The following BIRC6 variants were observed in gnomAD, a reference collection of about 807,000 sequenced individuals.
BIRC6 encodes the protein baculoviral IAP repeat containing 6.
Under a neutral mutation model 503.3 loss-of-function variants are expected in BIRC6, and 98 were observed. The ratio of observed to expected loss-of-function variants is 0.19; its 90% CI spans 0.17 to 0.23. The LOEUF is 0.23. Ranked by LOEUF, BIRC6 falls within the 10% of genes least tolerant of loss-of-function variation. BIRC6 has a pLI of 1.00. For missense variants in BIRC6, 5,360 were observed against 5,806.0 expected (o/e 0.92, Z 2.50); for synonymous variants, 2,240 against 2,078.7 (o/e 1.08, Z -2.11).
chr2:32,457,823 A>G (rs999789513), intron 23 of BIRC6, among the ~76,000 whole-genome samples: 2 of 152,168 alleles, frequency 1.3e-5, no homozygotes, highest in South Asian at 2.1e-4. Context: ...AGTTTTATGA[A>G]TAATCAAATG....
At position 32,454,114 on chromosome 2, in the gene BIRC6, A is replaced by T. The variant is rs528404881; in HGVS notation, c.4753+172A>T. Among the ~76,000 whole-genome samples the T allele has an allele frequency of 2.4e-4, 37 of 152,280 alleles. 1 individual carries two copies. In the South Asian group the frequency reaches 3.1e-3, roughly 13 times the overall value. ...TATAAATCGTTTTATATTCTTTCCTAAGTCAATTCACAGGGTTATTTTTCC... is the reference window on the plus strand; with the variant it reads ...TATAAATCGTTTTATATTCTTTCCTTAGTCAATTCACAGGGTTATTTTTCC... On this transcript the variant is annotated intron_variant, in intron 23 of 73. Transcript: ENST00000421745.
chr2:32,406,778 A>T (rs2041269398), intron 9 of BIRC6, among the ~76,000 whole-genome samples: 1 of 152,184 alleles, frequency 6.6e-6, no homozygotes, highest in South Asian at 2.1e-4. Flanking sequence ...GAGCCAAAGG[A>T]ATTACAGTGG....
chr2:32,371,215 C>CAAAAA (rs1179033406), intron 1 of BIRC6, among the ~76,000 whole-genome samples: 1 of 28,706 alleles, frequency 3.5e-5, no homozygotes, highest in Non-Finnish European at 6.8e-5. Flanking sequence ...GACCCTGTCT[C>CAAAAA]AAAAAAAAAA....
Position 32,441,323 on chromosome 2 carries a change from G to T in BIRC6, c.3811-6G>T. The T allele has an allele frequency of 6.6e-7, 1 of 1,518,042 alleles. No homozygotes were observed. Among genetic ancestry groups the T allele is most frequent in the Non-Finnish European group, 9.0e-7 (1 of 1,111,888 alleles). The allele number at this position is 1,518,042 out of a possible 1,614,324, so 94.0% of individuals were successfully genotyped here. On this transcript the variant is annotated splice_polypyrimidine_tract_variant and splice_region_variant and intron_variant, in intron 16 of 73. Coordinates refer to ENST00000421745, the MANE Select transcript of BIRC6 (RefSeq NM_016252.4). ...TTTAAAATTCATTATTATTTGTAAT[G>T]TTTAGGAAAAATCATCTAATGTTAA...
intron 10 of BIRC6, among the ~76,000 whole-genome samples, chr2:32,424,908 A>G (rs887109979): frequency 6.6e-5 from 10 of 152,112 alleles, no homozygotes; most frequent in African/African-American, 2.4e-4. Context: ...CAGTTTTTCT[A>G]CATCCTGGCC....
Position 32,595,075 on chromosome 2 carries a change from C to A in BIRC6, c.13543C>A (p.Pro4515Thr). 1.2e-6 allele frequency: 2 copies of A among 1,601,660 alleles called. No individual in the cohort carries two copies. Among genetic ancestry groups the A allele is most frequent in the Non-Finnish European group, 1.7e-6 (2 of 1,176,620 alleles). Residue 4515 changes from proline to threonine, a missense_variant, in exon 68 of 74, where the codon CCC becomes ACC. Transcript: ENST00000421745. ...ATACTCCAAGAAGGCGGCTATGAAA[C>A]CCAAACCTTTGTCAGTATTAAAGTC... ...GEYSKKAAMK[P>T]KPLSVLKSLE...
chr2:32,480,353 A>C (rs1351364270), intron 37 of BIRC6, among the ~76,000 whole-genome samples: 2 of 152,144 alleles, frequency 1.3e-5, no homozygotes, highest in African/African-American at 4.8e-5. Flanking sequence ...AGTCAGTTTT[A>C]ATTATAGTGC....
Position 32,535,161 on chromosome 2 carries a change from A to C in BIRC6, c.12291+3610A>C, listed in dbSNP as rs547186649. On this transcript the variant is annotated intron_variant, in intron 61 of 73. Coordinates refer to ENST00000421745, the MANE Select transcript of BIRC6 (RefSeq NM_016252.4). ...TACCCCCAAAAAAGCAAAAAAAAAA[A>C]AAAAAAAAAAAAAAAGCTAAGACAA... 2.6e-4 allele frequency among the ~76,000 whole-genome samples: 38 copies of C among 148,846 alleles called. 1 individual carries two copies. In the South Asian group the frequency reaches 8.1e-3, roughly 32 times the overall value.
At chr2:32,475,190 G>T (rs1289019100) in intron 33 of BIRC6, among the ~76,000 whole-genome samples, 3 of 146,678 alleles carry the variant, frequency 2.0e-5, no homozygotes, top group Non-Finnish European at 4.5e-5. Context: ...AGTGTCAATA[G>T]TAGTAATTTA....
At chr2:32,366,482 C>G (rs779642172) in intron 1 of BIRC6, among the ~76,000 whole-genome samples, 2 of 152,088 alleles carry the variant, frequency 1.3e-5, no homozygotes, top group Non-Finnish European at 2.9e-5. Flanking sequence ...CTGAAAATCT[C>G]TAGTTGTAAC....
intron 10 of BIRC6, among the ~76,000 whole-genome samples, chr2:32,422,480 CCTA>C (rs913523392): frequency 6.6e-6 from 1 of 151,926 alleles, no homozygotes; most frequent in African/African-American, 2.4e-5. Context: ...CACCCAGAGA[CCTA>C]CTGTCAAACC....
At chr2:32,528,927 T>C (rs2056506502) in intron 59 of BIRC6, 1 of 152,068 alleles carries the variant, frequency 6.6e-6, no homozygotes. Context: ...ACTCATTGTG[T>C]ACATGCAAAT....
intron 9 of BIRC6, among the ~76,000 whole-genome samples, chr2:32,412,313 A>G (rs367545276): frequency 6.6e-6 from 1 of 151,832 alleles, no homozygotes; most frequent in Non-Finnish European, 1.5e-5. Context: ...CCGGACCAAC[A>G]TGGTGAAAAC....
chr2:32,429,398 C>G (rs1026405594), intron 11 of BIRC6, 103 bp downstream of exon 11: 17 of 896,570 alleles, frequency 1.9e-5, no homozygotes, highest in Non-Finnish European at 2.7e-5. Context: ...AGAAGTGATT[C>G]TCAACCTGTA....
At chr2:32,562,298 T>C (rs1056062184) in intron 65 of BIRC6, among the ~76,000 whole-genome samples, 17 of 152,222 alleles carry the variant, frequency 1.1e-4, no homozygotes, top group Non-Finnish European at 2.5e-4. Context: ...TTTATAATTT[T>C]ATCTAAATTG....
Position 32,361,791 on chromosome 2 carries a change from C to T in BIRC6, c.325+4305C>T, listed in dbSNP as rs569502364. On this transcript the variant is annotated intron_variant, in intron 1 of 73. Coordinates refer to ENST00000421745, the MANE Select transcript of BIRC6 (RefSeq NM_016252.4). ...CAGAATGTCATAGTTGTATTTATACCGTTTGTAGACTTTTCAGGTTGCCTT... is the reference window on the plus strand; with the variant it reads ...CAGAATGTCATAGTTGTATTTATACTGTTTGTAGACTTTTCAGGTTGCCTT... 1.1e-4 allele frequency among the ~76,000 whole-genome samples: 16 copies of T among 152,084 alleles called. No homozygotes were observed. The South Asian group carries it at 2.5e-3, about 24-fold the overall frequency.
chr2:32,452,308 T>C lies in BIRC6; in HGVS notation c.4619-1500T>C, dbSNP rs116081826. Among the ~76,000 whole-genome samples, 1,134 of 152,274 alleles carry C rather than the reference T, an allele frequency of 7.4e-3. 8 individuals are homozygous for C. The highest frequency in any genetic ancestry group is 0.014 in the Middle Eastern group (4 of 294). On this transcript the variant is annotated intron_variant, in intron 22 of 73. Coordinates refer to ENST00000421745, the MANE Select transcript of BIRC6 (RefSeq NM_016252.4). Reference sequence around the variant, plus strand: ...TTGTCACTTTTTTCATTAAATTATTTTTTTCTTCAGAAAACAGTTATTTTT... The same window carrying C: ...TTGTCACTTTTTTCATTAAATTATTCTTTTCTTCAGAAAACAGTTATTTTT...
intron 23 of BIRC6, among the ~76,000 whole-genome samples, chr2:32,459,241 G>A (rs1162862105): frequency 1.3e-5 from 2 of 152,058 alleles, no homozygotes; most frequent in Non-Finnish European, 2.9e-5. Context: ...CAGTAGATTG[G>A]AGTTTCATCC....
chr2:32,443,405 A>C, intron 19 of BIRC6, 86 bp from the exon 20 acceptor site: 1 of 874,912 alleles, frequency 1.1e-6, no homozygotes, highest in Admixed American at 2.8e-5. Context: ...TACATTTTAA[A>C]GATTTTTAGG....
Sources: gnomAD v4.1 joint callset for allele counts (sites outside exome capture counted in the v4.1 genomes callset) on GRCh38, gnomAD v4.1.1 for gene constraint, MANE v1.5 for transcripts, NCBI Gene and HGNC (gene_info 2026-07-23, HGNC 2026-07-21) for gene names.